Variants in ZNG1A observed in about 807,000 individuals in gnomAD.
ZNG1A encodes the protein Zn regulated GTPase metalloprotein activator 1A, also known as zinc-regulated GTPase metalloprotein activator 1A.
chr9:155,500 T>C, the ZNG1A span, among the ~76,000 whole-genome samples: 2 of 152,088 alleles, frequency 1.3e-5, no homozygotes, highest in Admixed American at 1.3e-4. Flanking sequence ...AAATATACTG[T>C]ATATTATCTC....
At chr9:170,455 G>A in the ZNG1A span, among the ~76,000 whole-genome samples, 6 of 150,534 alleles carry the variant, frequency 4.0e-5, no homozygotes, top group South Asian at 2.1e-4. Context: ...GCGTGATCTC[G>A]GCTCACCGCA....
At chr9:129,818 T>A in the ZNG1A span, among the ~76,000 whole-genome samples, 4 of 114,360 alleles carry the variant, frequency 3.5e-5, no homozygotes, top group Admixed American at 8.8e-5. Flanking sequence ...TCATGTTAAG[T>A]GTTTTTTACC....
chr9:178,205 C>G, the ZNG1A span, among the ~76,000 whole-genome samples: 2 of 149,982 alleles, frequency 1.3e-5, no homozygotes, highest in African/African-American at 4.9e-5. Flanking sequence ...TCGAGTATCC[C>G]TGTACACTCT....
the ZNG1A span, among the ~76,000 whole-genome samples, chr9:158,401 C>A: frequency 1.3e-5 from 2 of 151,498 alleles, no homozygotes; most frequent in Non-Finnish European, 2.9e-5. Flanking sequence ...ACTGAAAATT[C>A]TTTTTAAACT....
chr9:140,494 A>C, the ZNG1A span, among the ~76,000 whole-genome samples: 1 of 151,712 alleles, frequency 6.6e-6, no homozygotes, highest in African/African-American at 2.4e-5. Flanking sequence ...AAGGACATCC[A>C]CACCAAAAAC....
chr9:172,279 G>A, the ZNG1A span: 56,757 of 1,431,756 alleles, frequency 0.04, 1,466 homozygotes, highest in African/African-American at 0.097. Flanking sequence ...AAGTACCCTT[G>A]GGAATGTGAA....
At chr9:128,603 A>G in the ZNG1A span, among the ~76,000 whole-genome samples, 1 of 146,210 alleles carries the variant, frequency 6.8e-6, no homozygotes, top group Non-Finnish European at 1.5e-5. Context: ...TTTTTTTTAT[A>G]TATCTTTACA....
chr9:167,130 G>A, the ZNG1A span: 3 of 151,758 alleles, frequency 2.0e-5, no homozygotes, highest in Non-Finnish European at 4.4e-5. Context: ...AGGAGGTAGG[G>A]AGAAAAATCA....
the ZNG1A span, among the ~76,000 whole-genome samples, chr9:161,235 G>A: frequency 7.9e-5 from 12 of 151,874 alleles, no homozygotes; most frequent in African/African-American, 1.9e-4. Flanking sequence ...TTGGGAGGCC[G>A]AGGCGGGTGG....
At chr9:132,367 A>AC in the ZNG1A span, among the ~76,000 whole-genome samples, 8 of 127,960 alleles carry the variant, frequency 6.3e-5, no homozygotes, top group Admixed American at 6.3e-4. Context: ...AAAAAAAAAA[A>AC]AATACAAAAA....
the ZNG1A span, chr9:156,353 G>T: frequency 2.8e-5 from 37 of 1,312,910 alleles, no homozygotes; most frequent in South Asian, 5.0e-4. Flanking sequence ...ATTCAACTAA[G>T]GGAAAAAAAG....
At chr9:126,800 C>T in the ZNG1A span, among the ~76,000 whole-genome samples, 3,446 of 151,984 alleles carry the variant, frequency 0.023, 124 homozygotes, top group African/African-American at 0.074. Flanking sequence ...GTGCTCTTTC[C>T]GACTTTTTGA....
chr9:178,374 A>G, the ZNG1A span, among the ~76,000 whole-genome samples: 6 of 151,656 alleles, frequency 4.0e-5, no homozygotes, highest in Admixed American at 6.6e-5. Context: ...AGGGGAATCT[A>G]CTGACGAAAG....
At chr9:154,755 C>T in the ZNG1A span, 1 of 1,597,826 alleles carries the variant, frequency 6.3e-7, no homozygotes, top group Non-Finnish European at 8.5e-7. Context: ...GGAACCAGGT[C>T]TGTTTTATTA....
chr9:145,154 C>A, the ZNG1A span, among the ~76,000 whole-genome samples: 1 of 150,426 alleles, frequency 6.6e-6, no homozygotes, highest in African/African-American at 2.5e-5. Flanking sequence ...CCTCAGGGAT[C>A]TAGAACTAGA....
At chr9:171,449 T>C in the ZNG1A span, 1 of 152,114 alleles carries the variant, frequency 6.6e-6, no homozygotes, top group Admixed American at 6.5e-5. Context: ...GCAGACTTTA[T>C]CAAGAATTAG....
At chr9:172,279 G>C in the ZNG1A span, 11 of 1,432,998 alleles carry the variant, frequency 7.7e-6, no homozygotes, top group Admixed American at 1.6e-4. Flanking sequence ...AAGTACCCTT[G>C]GGAATGTGAA....
chr9:165,094 T>C, the ZNG1A span, among the ~76,000 whole-genome samples: 1 of 152,212 alleles, frequency 6.6e-6, no homozygotes, highest in Admixed American at 6.5e-5. Context: ...CCATGACAAT[T>C]ATTTAACTTA....
chr9:135,080 C>G, the ZNG1A span: 2 of 584,066 alleles, frequency 3.4e-6, no homozygotes, highest in Admixed American at 6.1e-5. Flanking sequence ...TCTGATTTAA[C>G]TTTATACGTT....
Sources: gnomAD v4.1 joint callset for allele counts (sites outside exome capture counted in the v4.1 genomes callset) on GRCh38, gnomAD v4.1.1 for gene constraint, MANE v1.5 for transcripts, NCBI Gene and HGNC (gene_info 2026-07-23, HGNC 2026-07-21) for gene names.